LRRC9: variants seen among roughly 807,000 people sequenced by gnomAD.
LRRC9 encodes the protein leucine-rich repeat-containing protein 9.
LRRC9 carries 122 observed loss-of-function variants against 63.2 expected under a neutral mutation model. The observed-to-expected ratio is 1.93, with a 90% CI of 1.67 to 2.24. The LOEUF is 2.24. Ranked by LOEUF, LRRC9 falls within the 30% of genes most tolerant of loss-of-function variation. LRRC9 has a pLI of 0.00. For missense variants in LRRC9, 1,071 were observed against 627.7 expected (o/e 1.71, Z -7.55); for synonymous variants, 366 against 213.1 (o/e 1.72, Z -6.25).
chr14:59,956,492 A>G (rs1281397375), intron 8 of LRRC9, among the ~76,000 whole-genome samples: 1 of 152,144 alleles, frequency 6.6e-6, no homozygotes, highest in East Asian at 1.9e-4. Context: ...TTTGCTTGGT[A>G]AATATTCCTC....
intron 26 of LRRC9, among the ~76,000 whole-genome samples, chr14:60,022,127 T>C (rs1276826620): frequency 2.0e-5 from 3 of 151,856 alleles, no homozygotes; most frequent in African/African-American, 7.2e-5. Context: ...TCCATACACA[T>C]AGAATATTTC....
chr14:59,985,152 C>T, exon 17 of LRRC9: 2 of 691,338 alleles, frequency 2.9e-6, no homozygotes, highest in Non-Finnish European at 5.3e-6. Flanking sequence ...GAGATCTCTC[C>T]AAGTTAACAG....
At chr14:59,954,522 C>A (rs1261683314) in intron 8 of LRRC9, among the ~76,000 whole-genome samples, 2 of 152,164 alleles carry the variant, frequency 1.3e-5, no homozygotes, top group Admixed American at 6.5e-5. Context: ...TATCCTGAGA[C>A]TTTGCTGAAG....
At chr14:60,010,661 AT>A (rs1890190848) in intron 23 of LRRC9, among the ~76,000 whole-genome samples, 1 of 152,028 alleles carries the variant, frequency 6.6e-6, no homozygotes. Flanking sequence ...CAGGCTGCAA[AT>A]TTTTCAGACT....
At chr14:59,956,417 T>C (rs569252948) in intron 8 of LRRC9, among the ~76,000 whole-genome samples, 3 of 152,324 alleles carry the variant, frequency 2.0e-5, no homozygotes, top group African/African-American at 7.2e-5. Flanking sequence ...TTTTGATCTT[T>C]GCTGGTGTAA....
chr14:60,054,697 T>A (rs1458313554), intron 30 of LRRC9, among the ~76,000 whole-genome samples: 1 of 152,158 alleles, frequency 6.6e-6, no homozygotes, highest in Non-Finnish European at 1.5e-5. Context: ...ATCAAAAGAT[T>A]GATGAATGCA....
At chr14:60,028,735 A>T (rs1166833626) in intron 28 of LRRC9, among the ~76,000 whole-genome samples, 1 of 152,068 alleles carries the variant, frequency 6.6e-6, no homozygotes, top group East Asian at 1.9e-4. Context: ...CTCTCCTTTT[A>T]CCAACTTTTC....
At chr14:60,024,259 CCAA>C (rs746715535) in intron 27 of LRRC9, among the ~76,000 whole-genome samples, 11 of 152,142 alleles carry the variant, frequency 7.2e-5, no homozygotes, top group South Asian at 2.1e-4. Flanking sequence ...TACACTCCCA[CCAA>C]CAATTAGTAA....
chr14:59,926,973 T>A (rs939837997), intron 1 of LRRC9, among the ~76,000 whole-genome samples: 1 of 152,182 alleles, frequency 6.6e-6, no homozygotes, highest in African/African-American at 2.4e-5. Context: ...CATGCTTTTT[T>A]AAAAGTATCA....
intron 8 of LRRC9, among the ~76,000 whole-genome samples, chr14:59,954,769 A>AC (rs755459199): frequency 1.1e-4 from 16 of 152,248 alleles, no homozygotes; most frequent in Non-Finnish European, 2.2e-4. Flanking sequence ...TCAGTATGAT[A>AC]TTGGCTGTGG....
chr14:59,988,782 T>C (rs1327120613), intron 17 of LRRC9, among the ~76,000 whole-genome samples: 3 of 152,256 alleles, frequency 2.0e-5, no homozygotes, highest in Admixed American at 6.5e-5. Flanking sequence ...AGTCTTTATT[T>C]TGGTATCTTT....
At chr14:60,044,718 A>T (rs916678265) in intron 29 of LRRC9, among the ~76,000 whole-genome samples, 1 of 152,206 alleles carries the variant, frequency 6.6e-6, no homozygotes, top group African/African-American at 2.4e-5. Flanking sequence ...ATGGTCTATT[A>T]TGGAAAATGT....
At chr14:59,965,100 A>G (rs999176884) in intron 10 of LRRC9, among the ~76,000 whole-genome samples, 1 of 152,172 alleles carries the variant, frequency 6.6e-6, no homozygotes, top group African/African-American at 2.4e-5. Flanking sequence ...TATTCCTTAT[A>G]AGACCATTTA....
rs1883192025 is a variant in LRRC9, at chr14:59,952,039, T to C, written c.882+7295T>C. On this transcript the variant is annotated intron_variant, in intron 8 of 31. Coordinates refer to ENST00000445360, the Ensembl canonical transcript of LRRC9. ...GTGGTGGGCTCCACCCAGTTCGAGC[T>C]TCCCGGCTGCTTTGTTTACCTAAGC... is the stretch of plus-strand genomic sequence containing the variant. Among the ~76,000 whole-genome samples the C allele has an allele frequency of 2.0e-5, 3 of 152,022 alleles. No individual in the cohort carries two copies. In the South Asian group the frequency reaches 6.2e-4, roughly 32 times the overall value.
chr14:59,923,965 C>A lies in LRRC9; in HGVS notation c.-33-3946C>A, dbSNP rs1398702012. On this transcript the variant is annotated intron_variant, in intron 1 of 31. Coordinates refer to ENST00000445360, the Ensembl canonical transcript of LRRC9. The surrounding 1 kb of genome is among the most constrained non-coding windows in gnomAD (Gnocchi z 4.2). Reference sequence around the variant, plus strand: ...CGTCTTAAAACAACAATAACAACAACAAAAAACAGATACTCGTGCAGGAAT... The same window carrying A: ...CGTCTTAAAACAACAATAACAACAAAAAAAAACAGATACTCGTGCAGGAAT... Among the ~76,000 whole-genome samples the A allele has an allele frequency of 6.6e-6, 1 of 152,108 alleles. No individual in the cohort carries two copies. The highest frequency in any genetic ancestry group is 1.9e-4 in the East Asian group (1 of 5,200).
chr14:60,032,129 A>G lies in LRRC9; in HGVS notation c.3990+66A>G. ...GTAGTTTTATAAAATTTATTTTTAT[A>G]TGGTATTAGAAAGGGATTTAGTTTT... is the stretch of plus-strand genomic sequence containing the variant. On this transcript the variant is annotated intron_variant, in intron 29 of 31. Coordinates refer to ENST00000445360, the Ensembl canonical transcript of LRRC9. The G allele has an allele frequency of 6.0e-6, 4 of 663,796 alleles. No individual in the cohort carries two copies. In the South Asian group the frequency reaches 6.7e-5, roughly 11 times the overall value. 41.1% of individuals were successfully genotyped at this position (663,796 alleles called of 1,614,324 possible). A position where few individuals can be genotyped will look rare whatever the true frequency, so the allele number is the denominator to read the frequency against.
chr14:60,007,968 C>G, intron 22 of LRRC9, 124 bp from the exon 23 acceptor site: 1 of 339,118 alleles, frequency 2.9e-6, no homozygotes, highest in Non-Finnish European at 5.3e-6. Context: ...AAAAAGTATA[C>G]TTAAAGGCAC....
intron 8 of LRRC9, among the ~76,000 whole-genome samples, chr14:59,956,068 C>T (rs774532283): frequency 1.3e-5 from 2 of 151,992 alleles, no homozygotes; most frequent in African/African-American, 4.8e-5. Flanking sequence ...ATTATGTGGT[C>T]GATTTTAGAA....
rs183294861 is a variant in LRRC9 at position 59,936,172 on chromosome 14, C to T, written c.544-2218C>T. Among the ~76,000 whole-genome samples, 60 of 152,226 alleles carry T rather than the reference C, an allele frequency of 3.9e-4. 1 individual carries two copies. Among genetic ancestry groups the T allele is most frequent in the African/African-American group, 1.3e-3 (54 of 41,528 alleles). On this transcript the variant is annotated intron_variant, in intron 6 of 31. Transcript: ENST00000445360. The surrounding 1 kb of genome is among the most constrained non-coding windows in gnomAD (Gnocchi z 4.2). ...TATTTTATTACCATTACTTTAATTA[C>T]ATTGAACTGCTGTATTTCAGTATCT...
Sources: gnomAD v4.1 joint callset for allele counts (sites outside exome capture counted in the v4.1 genomes callset) on GRCh38, gnomAD v4.1.1 for gene constraint, Gnocchi (gnomAD v3.1) non-coding constraint, MANE v1.5 for transcripts, NCBI Gene and HGNC (gene_info 2026-07-23, HGNC 2026-07-21) for gene names.